Variants in BMPR1A observed in about 807,000 individuals in gnomAD.
BMPR1A encodes the protein bone morphogenetic protein receptor type 1A.
BMPR1A carries 7 observed loss-of-function variants against 66.0 expected under a neutral mutation model. The observed-to-expected ratio is 0.11, with a 90% confidence interval of 0.06 to 0.20. The LOEUF is 0.20. BMPR1A is among the 10% of genes least tolerant of loss of function. BMPR1A has a pLI of 1.00. For missense variants in BMPR1A, 408 were observed against 669.1 expected (o/e 0.61, Z 4.31); for synonymous variants, 200 against 229.7 (o/e 0.87, Z 1.17).
At chr10:86,899,648 T>C in intron 5 of BMPR1A, 146 bp from the exon 6 acceptor site, 2 of 843,274 alleles carry the variant, frequency 2.4e-6, no homozygotes, top group Non-Finnish European at 1.8e-6. Flanking sequence ...GCACAAATTT[T>C]AATCTTTCAA....
intron 3 of BMPR1A, among the ~76,000 whole-genome samples, chr10:86,882,107 G>A (rs986257286): frequency 6.6e-6 from 1 of 152,034 alleles, no homozygotes; most frequent in Non-Finnish European, 1.5e-5. Flanking sequence ...AAACAAGAAG[G>A]GCCATGAATT....
chr10:86,898,664 A>G (rs903176926), intron 5 of BMPR1A, among the ~76,000 whole-genome samples: 1 of 152,186 alleles, frequency 6.6e-6, no homozygotes, highest in Non-Finnish European at 1.5e-5. Flanking sequence ...CATGCTGCCA[A>G]AGAAACCCTT....
intron 3 of BMPR1A, among the ~76,000 whole-genome samples, chr10:86,888,192 G>A (rs1055131743): frequency 6.6e-6 from 1 of 150,654 alleles, no homozygotes; most frequent in East Asian, 1.9e-4. Context: ...GGCCGGGCAC[G>A]GTGGCTCATG....
intron 3 of BMPR1A, among the ~76,000 whole-genome samples, chr10:86,888,350 C>T (rs2133385158): frequency 6.6e-6 from 1 of 152,058 alleles, no homozygotes; most frequent in Admixed American, 6.5e-5. Context: ...TGCCTGTAAT[C>T]CCAGCTACTC....
chr10:86,824,812 T>C (rs10887658), intron 1 of BMPR1A, among the ~76,000 whole-genome samples: 47,176 of 152,026 alleles, frequency 0.31, 8,294 homozygotes, highest in East Asian at 0.67. Flanking sequence ...TGACATAACC[T>C]ATACATCCTT....
At chr10:86,893,159 T>A (rs1363640781) in intron 5 of BMPR1A, among the ~76,000 whole-genome samples, 2 of 152,150 alleles carry the variant, frequency 1.3e-5, no homozygotes, top group Non-Finnish European at 2.9e-5. Flanking sequence ...TTTAAGATAG[T>A]GGCAGTAACC....
At position 86,812,465 on chromosome 10, in the gene BMPR1A, C is replaced by T. The variant is rs1841984565; in HGVS notation, c.-267-26400C>T. 3.3e-5 allele frequency among the ~76,000 whole-genome samples: 5 copies of T among 152,174 alleles called. No homozygotes were observed. The South Asian group carries it at 1.0e-3, about 31-fold the overall frequency. On this transcript the variant is annotated intron_variant, in intron 1 of 12. Transcript: ENST00000372037. ...CAGTTTTTGGCGATGATGAATAGAG[C>T]TGCTCTATACATTCATGTATACATT...
chr10:86,920,358 C>G (rs1163956724), intron 10 of BMPR1A, among the ~76,000 whole-genome samples: 4 of 152,178 alleles, frequency 2.6e-5, no homozygotes, highest in Non-Finnish European at 4.4e-5. Context: ...TCTGTCACCA[C>G]TTGATAGTGT....
At chr10:86,800,686 C>A (rs1042649737) in intron 1 of BMPR1A, among the ~76,000 whole-genome samples, 1 of 152,210 alleles carries the variant, frequency 6.6e-6, no homozygotes, top group Non-Finnish European at 1.5e-5. Flanking sequence ...AGCCACCACA[C>A]CTGGCCAGGC....
chr10:86,821,350 A>T (rs977750191), intron 1 of BMPR1A, among the ~76,000 whole-genome samples: 3 of 152,264 alleles, frequency 2.0e-5, no homozygotes, highest in Non-Finnish European at 2.9e-5. Context: ...GGCACTTAAT[A>T]AACATCAGCT....
chr10:86,861,442 A>C (rs1842713615), intron 2 of BMPR1A, among the ~76,000 whole-genome samples: 1 of 152,162 alleles, frequency 6.6e-6, no homozygotes, highest in African/African-American at 2.4e-5. Flanking sequence ...GCAGTTAGAG[A>C]CTTAAATTTT....
At chr10:86,809,099 G>A (rs1357622161) in intron 1 of BMPR1A, among the ~76,000 whole-genome samples, 1 of 151,466 alleles carries the variant, frequency 6.6e-6, no homozygotes, top group Non-Finnish European at 1.5e-5. Context: ...TGATAGGGAA[G>A]GCAAAAAAAA....
At chr10:86,931,298 C>CACATATATATATATATATATATAT, downstream of BMPR1A, 1 of 90,920 alleles carries the variant, frequency 1.1e-5, no homozygotes, top group African/African-American at 7.1e-5. Flanking sequence ...CACACACACA[C>CACATATATATATATATATATATAT]ATATATATAT....
intron 4 of BMPR1A, among the ~76,000 whole-genome samples, chr10:86,890,617 A>C (rs371513976): frequency 6.6e-6 from 1 of 151,998 alleles, no homozygotes; most frequent in African/African-American, 2.4e-5. Flanking sequence ...TTTTTTAACT[A>C]TAGACAGGAT....
chr10:86,909,357 C>T (rs1228947317), intron 7 of BMPR1A, among the ~76,000 whole-genome samples: 1 of 152,068 alleles, frequency 6.6e-6, no homozygotes, highest in Non-Finnish European at 1.5e-5. Context: ...ATTTGGGAGG[C>T]TGAGGTGGGT....
chr10:86,836,290 A>ACT (rs2133095525), intron 1 of BMPR1A, among the ~76,000 whole-genome samples: 1 of 129,472 alleles, frequency 7.7e-6, no homozygotes, highest in East Asian at 2.6e-4. Flanking sequence ...ATAGCACTAT[A>ACT]TTGCAAAGGT....
rs180941818 is a variant in BMPR1A, at chr10:86,879,959, T to C, written c.67+3874T>C. On this transcript the variant is annotated intron_variant, in intron 3 of 12. Transcript: ENST00000372037. ...TTTTATTTTCTGGGAGGATTTGCCT[T>C]GTCTCTGGTGTTCCTTGGCTAGTGT... 1.2e-4 allele frequency among the ~76,000 whole-genome samples: 19 copies of C among 152,366 alleles called. No homozygotes were observed. The East Asian group carries it at 3.5e-3, about 28-fold the overall frequency.
chr10:86,804,792 G>GTTTTTTTTTTTTTTTTTTTTTTTTTTT (rs5786747), intron 1 of BMPR1A, among the ~76,000 whole-genome samples: 64 of 57,258 alleles, frequency 1.1e-3, no homozygotes, highest in Middle Eastern at 9.4e-3. Flanking sequence ...GTTTGTAGGT[G>GTTTTTTTTTTTTTTTTTTTTTTTTTTT]TTTTTTTTTT....
rs1179300389 is a variant in BMPR1A, at chr10:86,756,858, G to A, written c.-329G>A. ...CCGATTCGGGCCCCACTTCGCCCCG[G>A]CGGCTCGCCGCGCCCACCCGCTCCG... On this transcript the variant is annotated 5_prime_UTR_variant, in exon 1 of 13. Coordinates refer to ENST00000372037, the MANE Select transcript of BMPR1A (RefSeq NM_004329.3). 6.6e-6 allele frequency: 1 copy of A among 151,874 alleles called. No individual in the cohort carries two copies. Among genetic ancestry groups the A allele is most frequent in the Non-Finnish European group, 1.5e-5 (1 of 68,036 alleles). The allele number at this position is 151,874 out of a possible 1,614,324, so 9.4% of individuals were successfully genotyped here.
Sources: allele counts gnomAD v4.1 joint callset (sites outside exome capture counted in the v4.1 genomes callset), GRCh38; gene constraint gnomAD v4.1.1; transcripts MANE v1.5; gene names NCBI Gene and HGNC (gene_info 2026-07-23, HGNC 2026-07-21).